Variants in DIPK1C observed in about 807,000 individuals in gnomAD.
DIPK1C encodes familial non-conventional Alzheimer's dementia.
A neutral mutation model predicts 28.0 loss-of-function variants in DIPK1C; 33 were observed. That is an observed-to-expected ratio of 1.18 (90% CI 0.89 to 1.58). The LOEUF (loss-of-function observed/expected upper bound fraction) is 1.58, where lower values mean the gene tolerates loss of function less well. Among genes scored for constraint, DIPK1C ranks in the 40% most tolerant of loss-of-function variants. The pLI is 0.00. For missense variants in DIPK1C, 569 were observed against 568.5 expected (o/e 1.00, Z -0.01); for synonymous variants, 255 against 248.8 (o/e 1.02, Z -0.23).
In DIPK1C at chr18:74,436,143, C is replaced by T. The variant is rs1028404800; in HGVS notation, c.*358G>A. The T allele has an allele frequency of 2.2e-5, 6 of 278,528 alleles. No individual in the cohort carries two copies. The highest frequency in any genetic ancestry group is 1.1e-4 in the African/African-American group (5 of 45,666). The allele number at this position is 278,528 out of a possible 1,614,324, so 17.3% of individuals were successfully genotyped here. ...GTATGCACACACGCACACTTTTTAA[C>T]GTGGTAACGATTTACAGGAAAGAAC... On this transcript the variant is annotated 3_prime_UTR_variant, in exon 4 of 4. Coordinates refer to ENST00000343998, the MANE Select transcript of DIPK1C (RefSeq NM_001044369.3).
intron 2 of DIPK1C, among the ~76,000 whole-genome samples, chr18:74,442,953 G>T: frequency 6.6e-6 from 1 of 152,240 alleles, no homozygotes; most frequent in East Asian, 1.9e-4. Context: ...GTGTGATGGA[G>T]AAACTGAGGC....
chr18:74,454,889 G>C (rs1196986176), intron 1 of DIPK1C, among the ~76,000 whole-genome samples: 1 of 152,090 alleles, frequency 6.6e-6, no homozygotes, highest in Non-Finnish European at 1.5e-5. Context: ...CAGGAAGACA[G>C]GGGGAGAAAG....
rs1353111568 is a variant in DIPK1C at position 74,446,596 on chromosome 18, C to T, written c.876+10G>A. On this transcript the variant is annotated intron_variant, in intron 2 of 3. Coordinates refer to ENST00000343998, the MANE Select transcript of DIPK1C (RefSeq NM_001044369.3). Reference sequence around the variant, plus strand: ...CTCTGCACATAAACACACCGACCTGCGCCACTTACTGTGAAGTCGCTCCGG... The same window carrying T: ...CTCTGCACATAAACACACCGACCTGTGCCACTTACTGTGAAGTCGCTCCGG... 3.4e-6 allele frequency: 5 copies of T among 1,449,990 alleles called. No homozygotes were observed. The highest frequency in any genetic ancestry group is 1.5e-5 in the South Asian group (1 of 67,746). The allele number at this position is 1,449,990 out of a possible 1,614,324, so 89.8% of individuals were successfully genotyped here.
intron 1 of DIPK1C, among the ~76,000 whole-genome samples, chr18:74,456,404 C>G (rs1043571154): frequency 6.6e-6 from 1 of 152,272 alleles, no homozygotes; most frequent in East Asian, 1.9e-4. Flanking sequence ...TTAGGAGGCG[C>G]CTGTCGAGGA....
At chr18:74,457,494 C>G (rs2144535406), upstream of DIPK1C, among the ~76,000 whole-genome samples, 1 of 152,210 alleles carries the variant, frequency 6.6e-6, no homozygotes, top group South Asian at 2.1e-4. Flanking sequence ...ATCCCCTGCT[C>G]CACCCTCTCT....
rs1298203393 is a variant in DIPK1C at position 74,447,066 on chromosome 18, C to A, written c.416G>T (p.Gly139Val). The change falls in exon 2 of 4, where the codon GGC (glycine) becomes GTC (valine). Residue 139 changes from glycine to valine, a missense_variant. By Grantham distance (109) the Gly-to-Val change is moderately radical. Transcript: ENST00000343998. This position sits in a 1 kb window ranked among gnomAD's most constrained non-coding sequence, Gnocchi z 4.1. ...SLLEEEAGEG[G>V]QDMPEAELLL... ...GAGTTCGGCCTCGGGCATGTCCTGG[C>A]CACCCTCCCCTGCCTCCTCTTCCAA... 6.5e-7 allele frequency: 1 copy of A among 1,550,244 alleles called. No individual in the cohort carries two copies. The highest frequency in any genetic ancestry group is 8.7e-7 in the Non-Finnish European group (1 of 1,146,846).
intron 1 of DIPK1C, among the ~76,000 whole-genome samples, chr18:74,451,532 T>C (rs1213589938): frequency 6.6e-6 from 1 of 152,208 alleles, no homozygotes; most frequent in African/African-American, 2.4e-5. Flanking sequence ...GATTTGCCCC[T>C]GTGAATTTGG....
Position 74,446,774 on chromosome 18 carries a change from G to T in DIPK1C, c.708C>A (p.Phe236Leu), listed in dbSNP as rs980670198. The T allele has an allele frequency of 1.3e-6, 2 of 1,513,668 alleles. No individual in the cohort carries two copies. The highest frequency in any genetic ancestry group is 1.8e-6 in the Non-Finnish European group (2 of 1,128,576). The allele number at this position is 1,513,668 out of a possible 1,614,324, so 93.8% of individuals were successfully genotyped here. A position where few individuals can be genotyped will look rare whatever the true frequency, so the allele number is the denominator to read the frequency against. Residue 236 changes from phenylalanine to leucine, a missense_variant, in exon 2 of 4, where the codon TTC becomes TTA. Phe to Leu is a conservative substitution (Grantham distance 22). Coordinates refer to ENST00000343998, the MANE Select transcript of DIPK1C (RefSeq NM_001044369.3). ...AAGSPHHRAL[F>L]PLDRAPGAPG... ...GGGCACCTGGGGCCCGGTCCAGGGG[G>T]AAGAGTGCCCTGTGGTGGGGGCTGC...
In DIPK1C at chr18:74,445,152, G is replaced by A. The variant is rs566892920; in HGVS notation, c.876+1454C>T. Among the ~76,000 whole-genome samples, 29 of 152,298 alleles carry A rather than the reference G, an allele frequency of 1.9e-4. No homozygotes were observed. In the South Asian group the frequency reaches 3.1e-3, roughly 16 times the overall value. On this transcript the variant is annotated intron_variant, in intron 2 of 3. Coordinates refer to ENST00000343998, the MANE Select transcript of DIPK1C (RefSeq NM_001044369.3). ...AACTGGCCCGCAGCTGCCCAGAGCT[G>A]GGGGTGGGGGTTGTACGTGGACACT...
At position 74,436,335 on chromosome 18, in the gene DIPK1C, G is replaced by GC. The variant is rs1396206007; in HGVS notation, c.*165dup. On this transcript the variant is annotated 3_prime_UTR_variant, in exon 4 of 4. Coordinates refer to ENST00000343998, the MANE Select transcript of DIPK1C (RefSeq NM_001044369.3). ...GGTCAGAGGCCAGGGTGGGACGAGAGCGAGGGAGCACTGTCTCTGGCAGCA... is the reference window on the plus strand; with the variant it reads ...GGTCAGAGGCCAGGGTGGGACGAGAGCCGAGGGAGCACTGTCTCTGGCAGCA... 1.0e-5 allele frequency: 7 copies of GC among 676,974 alleles called. No individual in the cohort carries two copies. The highest frequency in any genetic ancestry group is 9.1e-5 in the African/African-American group (5 of 55,076). The allele number at this position is 676,974 out of a possible 1,614,324, so 41.9% of individuals were successfully genotyped here.
At chr18:74,441,069 T>C (rs9961740) in intron 3 of DIPK1C, among the ~76,000 whole-genome samples, 122,513 of 152,148 alleles carry the variant, frequency 0.81, 49,565 homozygotes, top group East Asian at 0.99. Flanking sequence ...CCATCACAGC[T>C]GATGCAGCAC....
chr18:74,461,505 C>A (rs1014110291), upstream of DIPK1C, among the ~76,000 whole-genome samples: 3 of 151,626 alleles, frequency 2.0e-5, no homozygotes, highest in Admixed American at 6.6e-5. Flanking sequence ...TGGGTTCAAG[C>A]AATCCTCCTG....
intron 1 of DIPK1C, among the ~76,000 whole-genome samples, chr18:74,449,887 C>G (rs1198486974): frequency 6.6e-6 from 1 of 152,030 alleles, no homozygotes. Flanking sequence ...TTGGCTTTAA[C>G]CCGGGTCACT....
intron 1 of DIPK1C, among the ~76,000 whole-genome samples, chr18:74,451,951 C>T (rs376326758): frequency 4.6e-5 from 7 of 152,332 alleles, no homozygotes; most frequent in South Asian, 2.1e-4. Flanking sequence ...TGAGCATCAT[C>T]GCTTAGCCCA....
intron 1 of DIPK1C, among the ~76,000 whole-genome samples, chr18:74,453,704 T>A (rs1197497849): frequency 6.6e-6 from 1 of 152,170 alleles, no homozygotes; most frequent in Non-Finnish European, 1.5e-5. Flanking sequence ...AGTTGTTATG[T>A]AGGGTTTCCA....
intron 1 of DIPK1C, among the ~76,000 whole-genome samples, chr18:74,451,067 CG>C (rs1986386753): frequency 6.6e-6 from 1 of 152,144 alleles, no homozygotes. Flanking sequence ...GGTGGGGGGC[CG>C]GGGCATCTTC....
rs535140989 is a variant in DIPK1C, at chr18:74,447,908, G to A, written c.199-625C>T. On this transcript the variant is annotated intron_variant, in intron 1 of 3. Coordinates refer to ENST00000343998, the MANE Select transcript of DIPK1C (RefSeq NM_001044369.3). The surrounding 1 kb of genome is among the most constrained non-coding windows in gnomAD (Gnocchi z 4.1). ...ATGAGTGGGCACAGGGCTCATGGCTGGTGACCTGGAGAAGAGGAGGGACCA... is the reference window on the plus strand; with the variant it reads ...ATGAGTGGGCACAGGGCTCATGGCTAGTGACCTGGAGAAGAGGAGGGACCA... 2.0e-5 allele frequency among the ~76,000 whole-genome samples: 3 copies of A among 152,316 alleles called. No homozygotes were observed. The East Asian group carries it at 5.8e-4, about 29-fold the overall frequency.
chr18:74,463,245 G>A, the DIPK1C span, among the ~76,000 whole-genome samples: 4 of 152,272 alleles, frequency 2.6e-5, no homozygotes, highest in African/African-American at 9.6e-5. Flanking sequence ...TGGCTGTTTT[G>A]AATGTCATAC....
At chr18:74,444,934 C>CTG (rs1986225841) in intron 2 of DIPK1C, among the ~76,000 whole-genome samples, 2 of 152,230 alleles carry the variant, frequency 1.3e-5, no homozygotes, top group South Asian at 4.1e-4. Context: ...AAACCAGTAA[C>CTG]TGGATAATCA....
Sources: gnomAD v4.1 joint callset for allele counts (sites outside exome capture counted in the v4.1 genomes callset) on GRCh38, gnomAD v4.1.1 for gene constraint, Gnocchi (gnomAD v3.1) non-coding constraint, MANE v1.5 for transcripts, NCBI Gene and HGNC (gene_info 2026-07-23, HGNC 2026-07-21) for gene names.